KCNT1: variants seen among roughly 807,000 people sequenced by gnomAD.
KCNT1 encodes the protein potassium sodium-activated channel subfamily T member 1.
KCNT1 carries 78 observed loss-of-function variants against 147.8 expected under a neutral mutation model. The observed-to-expected ratio is 0.53, with a 90% CI of 0.44 to 0.64. KCNT1 has a LOEUF of 0.64. Ranked by LOEUF, KCNT1 falls within the 30% of genes least tolerant of loss-of-function variation. The probability of loss-of-function intolerance (pLI) is 0.00; values close to 1 mark genes in which losing one functional copy is unlikely to be tolerated. For missense variants in KCNT1, 1,419 were observed against 1,750.3 expected (o/e 0.81, Z 3.38); for synonymous variants, 867 against 748.8 (o/e 1.16, Z -2.58).
At chr9:135,704,799 G>A (rs1361756036) in intron 1 of KCNT1, among the ~76,000 whole-genome samples, 1 of 152,246 alleles carries the variant, frequency 6.6e-6, no homozygotes, top group African/African-American at 2.4e-5. Flanking sequence ...TTAGGGAGCA[G>A]TGCCTTCAGC....
rs746287375 is a variant in KCNT1 at position 135,702,325 on chromosome 9, A to G, written c.67A>G (p.Thr23Ala). ...CCGGGAGGCGCGCGGCGGGGGCTAC[A>G]CCAACCGGACCTTCGAGTTTGACGA... ...VCREARGGGY[T>A]NRTFEFDDGQ... The change falls in exon 1 of 31, where the codon ACC (threonine) becomes GCC (alanine). Residue 23 changes from threonine (T) to alanine (A), a missense_variant. Around this residue, in one of 5 missense-constraint regions of KCNT1, gnomAD observed 181 missense variants for 155.7 expected, o/e 1.16. Coordinates refer to ENST00000371757, the MANE Select transcript of KCNT1 (RefSeq NM_020822.3). 1 of 1,611,574 alleles carries G rather than the reference A, an allele frequency of 6.2e-7. No homozygotes were observed. Among genetic ancestry groups the G allele is most frequent in the Non-Finnish European group, 8.5e-7 (1 of 1,179,334 alleles).
At chr9:135,732,036 A>AGGGAGAGAGAGAGG (rs1836502569) in intron 2 of KCNT1, among the ~76,000 whole-genome samples, 2 of 137,260 alleles carry the variant, frequency 1.5e-5, no homozygotes, top group Non-Finnish European at 3.2e-5. Flanking sequence ...AGAGAGAGAG[A>AGGGAGAGAGAGAGG]GAGAGGGAGT....
rs56307359 is a variant in KCNT1 at position 135,730,990 on chromosome 9, TAAA to T, written c.254+16291_254+16293del. On this transcript the variant is annotated intron_variant, in intron 2 of 30. Transcript: ENST00000371757. The surrounding 1 kb of genome is among the most constrained non-coding windows in gnomAD (Gnocchi z 4.7). ...AACAAAGTGAGATCCCGTCTCAAGGTAAAAAAAAAAAAAAAAAAAAAAAGTGTG... is the reference window on the plus strand; with the variant it reads ...AACAAAGTGAGATCCCGTCTCAAGGTAAAAAAAAAAAAAAAAAAAAGTGTG... 5.4e-4 allele frequency among the ~76,000 whole-genome samples: 46 copies of T among 85,582 alleles called. No homozygotes were observed. Among genetic ancestry groups the T allele is most frequent in the Admixed American group, 2.4e-3 (17 of 7,072 alleles). The allele number at this position is 85,582 out of a possible 152,430, so 56.1% of individuals were successfully genotyped here.
At chr9:135,723,454 G>GGC (rs1361013773) in intron 2 of KCNT1, among the ~76,000 whole-genome samples, 1 of 152,248 alleles carries the variant, frequency 6.6e-6, no homozygotes, top group African/African-American at 2.4e-5. Flanking sequence ...TCCACAGGGT[G>GGC]GCAGGCAGGG....
At chr9:135,774,494 G>C (rs1325453687) in intron 19 of KCNT1, among the ~76,000 whole-genome samples, 1 of 149,910 alleles carries the variant, frequency 6.7e-6, no homozygotes, top group Admixed American at 6.6e-5. Flanking sequence ...GTGTCTGTGT[G>C]GTGTGTGTTG....
intron 2 of KCNT1, among the ~76,000 whole-genome samples, chr9:135,731,991 TAGAGAGAGAGAGAGAGAG>T (rs1189149987): frequency 1.6e-3 from 34 of 21,718 alleles, no homozygotes; most frequent in South Asian, 0.011. Flanking sequence ...TATATATATA[TAGAGAGAGAGAGAGAGAG>T]AGAGAGAGAG....
intron 24 of KCNT1, among the ~76,000 whole-genome samples, chr9:135,779,758 G>A (rs573907081): frequency 5.9e-5 from 9 of 152,226 alleles, no homozygotes; most frequent in Non-Finnish European, 1.2e-4. Flanking sequence ...GCCGTATCTG[G>A]AGGCCAAGGC....
chr9:135,787,768 G>A (rs77057575), intron 29 of KCNT1, among the ~76,000 whole-genome samples: 2,148 of 152,292 alleles, frequency 0.014, 39 homozygotes, highest in Middle Eastern at 0.048. Context: ...TCCCTGTCCC[G>A]GGAGGGACTT....
At chr9:135,764,323 G>A (rs558609115) in intron 11 of KCNT1, among the ~76,000 whole-genome samples, 1 of 152,204 alleles carries the variant, frequency 6.6e-6, no homozygotes, top group South Asian at 2.1e-4. Context: ...GCTGGTCATG[G>A]TGGTGATGCA....
At chr9:135,726,166 A>C (rs1836130176) in intron 2 of KCNT1, among the ~76,000 whole-genome samples, 1 of 151,460 alleles carries the variant, frequency 6.6e-6, no homozygotes, top group Admixed American at 6.6e-5. Flanking sequence ...AGGAGGAGCC[A>C]GGGCGCTGTC....
rs755272136 is a variant in KCNT1 at position 135,759,706 on chromosome 9, G to A, written c.882G>A (p.Arg294=). The change falls in exon 11 of 31, where the codon CGG becomes CGA. Residue 294 remains arginine, a synonymous_variant. Coordinates refer to ENST00000371757, the MANE Select transcript of KCNT1 (RefSeq NM_020822.3). ...CCTGCGGCATCCAGCACCTGGAGCG[G>A]GCGGGCGAGAACCTGTCCCTCCTGA... ...TGTCGIQHLE[R]AGENLSLLTS... The A allele has an allele frequency of 1.4e-5, 23 of 1,611,828 alleles. No individual in the cohort carries two copies. The Admixed American group carries it at 3.7e-4, about 26-fold the overall frequency.
intron 2 of KCNT1, among the ~76,000 whole-genome samples, chr9:135,741,627 G>C (rs1830572272): frequency 6.6e-6 from 1 of 152,188 alleles, no homozygotes; most frequent in South Asian, 2.1e-4. Flanking sequence ...GGTGTGTCCA[G>C]CTTCTGCCTC....
intron 2 of KCNT1, among the ~76,000 whole-genome samples, chr9:135,734,334 C>T (rs1478531627): frequency 1.3e-5 from 2 of 152,212 alleles, no homozygotes; most frequent in South Asian, 2.1e-4. Flanking sequence ...GCCCTGCACC[C>T]GTCCTGGTGC....
At chr9:135,761,402 C>A (rs1294361881) in intron 11 of KCNT1, among the ~76,000 whole-genome samples, 2 of 152,058 alleles carry the variant, frequency 1.3e-5, no homozygotes, top group African/African-American at 2.4e-5. Context: ...CATAACCAGG[C>A]AAGGGCGGGA....
chr9:135,794,026 C>T lies in KCNT1; in HGVS notation c.*1865C>T, dbSNP rs1359749889. On this transcript the variant is annotated 3_prime_UTR_variant, in exon 31 of 31. Transcript: ENST00000371757. ...GGGTGGCCTCTCATGTCCCCCACAC[C>T]CTGGCCCCCAGGCGAGGGGGGCTGC... 1 of 152,412 alleles carries T rather than the reference C, an allele frequency of 6.6e-6. No homozygotes were observed. The highest frequency in any genetic ancestry group is 2.1e-4 in the South Asian group (1 of 4,832). The allele number at this position is 152,412 out of a possible 1,614,324, so 9.4% of individuals were successfully genotyped here.
chr9:135,784,973 C>G, intron 27 of KCNT1, 84 bp downstream of exon 27: 2 of 1,549,470 alleles, frequency 1.3e-6, no homozygotes, highest in East Asian at 2.3e-5. Context: ...GGGGCTGGGA[C>G]TGTGGCAGCC....
chr9:135,770,034 TGG>T lies in KCNT1; in HGVS notation c.1599_1600del (p.Val534AlafsTer34). The stretch of plus-strand genomic sequence containing the variant: ...GCGACCTCCACCCTCATCACCCTGC[TGG>T]TGCACACGTCCCGCGGCCAGTGAGT... On this transcript the variant is annotated frameshift_variant, in exon 16 of 31. Transcript: ENST00000371757. LOFTEE classifies it high-confidence loss of function. The T allele has an allele frequency of 6.4e-7, 1 of 1,552,856 alleles. No homozygotes were observed. The highest frequency in any genetic ancestry group is 8.7e-7 in the Non-Finnish European group (1 of 1,148,516).
At chr9:135,719,385 G>A (rs572344555) in intron 2 of KCNT1, among the ~76,000 whole-genome samples, 1 of 152,212 alleles carries the variant, frequency 6.6e-6, no homozygotes. Context: ...GGCAGTGGAG[G>A]TGCGGCTTCC....
chr9:135,712,310 AT>A (rs1705483996), intron 1 of KCNT1, among the ~76,000 whole-genome samples: 1 of 152,202 alleles, frequency 6.6e-6, no homozygotes. Context: ...CAGAATTCTT[AT>A]GGAAATTGGT....
Sources: allele counts gnomAD v4.1 joint callset (sites outside exome capture counted in the v4.1 genomes callset), GRCh38; gene constraint gnomAD v4.1.1; regional missense constraint gnomAD v4.1.1; non-coding constraint Gnocchi (gnomAD v3.1); transcripts MANE v1.5; gene names NCBI Gene and HGNC (gene_info 2026-07-23, HGNC 2026-07-21).